EZH2: variants seen among roughly 807,000 people sequenced by gnomAD.
EZH2 encodes histone-lysine N-methyltransferase EZH2.
EZH2 carries 18 observed loss-of-function variants against 98.4 expected under a neutral mutation model. That is an observed-to-expected ratio of 0.18 (90% CI 0.13 to 0.27). EZH2 has a LOEUF of 0.27. Among genes scored for constraint, EZH2 ranks in the 10% least tolerant of loss-of-function variants. EZH2 has a pLI of 1.00. For missense variants in EZH2, 470 were observed against 935.1 expected (o/e 0.50, Z 6.49); for synonymous variants, 338 against 312.3 (o/e 1.08, Z -0.87).
intron 3 of EZH2, among the ~76,000 whole-genome samples, chr7:148,842,538 A>G (rs1463967032): frequency 6.6e-6 from 1 of 152,232 alleles, no homozygotes; most frequent in Non-Finnish European, 1.5e-5. Flanking sequence ...AATAAAATGT[A>G]CATCCCTTGA....
rs549563284 is a variant in EZH2 at position 148,808,858 on chromosome 7, G to C, written c.2195+213C>G. 9.2e-5 allele frequency among the ~76,000 whole-genome samples: 14 copies of C among 152,196 alleles called. No homozygotes were observed. In the East Asian group the frequency reaches 2.7e-3, roughly 29 times the overall value. ...GGTGAGAAATGGGGCTTTCTGCATG[G>C]ATTTTACTCTATTTTAAAAATAAGC... On this transcript the variant is annotated intron_variant, in intron 19 of 19. Coordinates refer to ENST00000320356, the MANE Select transcript of EZH2 (RefSeq NM_004456.5).
chr7:148,861,949 GA>G (rs1355546674), intron 1 of EZH2, among the ~76,000 whole-genome samples: 1 of 152,150 alleles, frequency 6.6e-6, no homozygotes, highest in Non-Finnish European at 1.5e-5. Flanking sequence ...AGTATATGAA[GA>G]AAATCCAGTC....
At chr7:148,810,762 G>A (rs542946610) in intron 16 of EZH2, among the ~76,000 whole-genome samples, 1 of 152,280 alleles carries the variant, frequency 6.6e-6, no homozygotes, top group Non-Finnish European at 1.5e-5. Flanking sequence ...TGGGCGCGGT[G>A]GCGCATGCCT....
At chr7:148,870,511 G>A (rs112396001) in intron 1 of EZH2, among the ~76,000 whole-genome samples, 1,847 of 152,006 alleles carry the variant, frequency 0.012, 19 homozygotes, top group Middle Eastern at 0.024. Context: ...AGACCAGCCG[G>A]GGCAACATGG....
chr7:148,875,960 A>G (rs1820111025), intron 1 of EZH2: 1 of 152,198 alleles, frequency 6.6e-6, no homozygotes, highest in Admixed American at 6.5e-5. Context: ...GTTGGAAACC[A>G]TCCTGGGCGA....
intron 1 of EZH2, among the ~76,000 whole-genome samples, chr7:148,872,155 G>A (rs73158284): frequency 0.054 from 8,204 of 152,130 alleles, 291 homozygotes; most frequent in Middle Eastern, 0.082. Flanking sequence ...AGCCTTTACA[G>A]AAAAGAAAAA....
chr7:148,868,300 C>T (rs1384533643), intron 1 of EZH2, among the ~76,000 whole-genome samples: 1 of 152,184 alleles, frequency 6.6e-6, no homozygotes. Flanking sequence ...TACAGTTCAG[C>T]AGGCTATACA....
At chr7:148,820,750 GAA>G (rs1345678576) in intron 8 of EZH2, among the ~76,000 whole-genome samples, 1 of 151,822 alleles carries the variant, frequency 6.6e-6, no homozygotes, top group African/African-American at 2.4e-5. Flanking sequence ...CTGGTTCTCT[GAA>G]GAAAAAAATA....
intron 1 of EZH2, among the ~76,000 whole-genome samples, chr7:148,880,272 A>G (rs1423793177): frequency 1.3e-5 from 2 of 152,220 alleles, no homozygotes; most frequent in Admixed American, 1.3e-4. Context: ...TCATTTTAAA[A>G]GAATGATGAA....
At chr7:148,861,803 T>TA (rs10628711) in intron 1 of EZH2, among the ~76,000 whole-genome samples, 6,109 of 143,470 alleles carry the variant, frequency 0.043, 277 homozygotes, top group African/African-American at 0.11. Context: ...TTCTTTTATT[T>TA]AAAAAAAAAA....
At chr7:148,847,046 G>A (rs1181404980) in intron 2 of EZH2, 136 bp downstream of exon 2, 1 of 1,006,012 alleles carries the variant, frequency 9.9e-7, no homozygotes, top group Admixed American at 2.9e-5. Flanking sequence ...AAGAACCTAA[G>A]CTTCCAAGTA....
intron 1 of EZH2, among the ~76,000 whole-genome samples, chr7:148,856,193 T>C (rs1393228737): frequency 6.6e-6 from 1 of 152,198 alleles, no homozygotes; most frequent in Non-Finnish European, 1.5e-5. Context: ...CTCTGTACTC[T>C]AGCTGGTAAA....
intron 19 of EZH2, among the ~76,000 whole-genome samples, chr7:148,808,694 T>C (rs1363454532): frequency 1.3e-5 from 2 of 152,146 alleles, no homozygotes; most frequent in African/African-American, 2.4e-5. Flanking sequence ...ATGCATAGTA[T>C]ATTGTCAAGT....
At chr7:148,827,874 T>C (rs773655509) in intron 6 of EZH2, among the ~76,000 whole-genome samples, 1 of 152,088 alleles carries the variant, frequency 6.6e-6, no homozygotes, top group Non-Finnish European at 1.5e-5. Flanking sequence ...TCCTAGCACT[T>C]TGGGAGGCCG....
At chr7:148,824,288 C>T (rs1179499777) in intron 8 of EZH2, among the ~76,000 whole-genome samples, 1 of 146,968 alleles carries the variant, frequency 6.8e-6, no homozygotes, top group African/African-American at 2.5e-5. Context: ...GCACTTCAGA[C>T]TGAGCAACAG....
intron 1 of EZH2, among the ~76,000 whole-genome samples, chr7:148,881,951 TACAC>T (rs199896683): frequency 9.1e-6 from 1 of 109,822 alleles, no homozygotes; most frequent in Non-Finnish European, 1.8e-5. Flanking sequence ...AAAAAACATA[TACAC>T]ACACACACAC....
Position 148,847,224 on chromosome 7 carries a change from T to C in EZH2, c.75A>G (p.Arg25=). The change falls in exon 2 of 20, where the codon CGA becomes CGG. Residue 25 remains arginine, a synonymous_variant. Coordinates refer to ENST00000320356, the MANE Select transcript of EZH2 (RefSeq NM_004456.5). ...GTCTGAACCTCTTGAGCTGTCTCAG[T>C]CGCATGTACTCTGATTTTACACGCT... ...WRKRVKSEYM[R]LRQLKRFRRA... The C allele has an allele frequency of 1.2e-6, 2 of 1,613,938 alleles. No homozygotes were observed. The highest frequency in any genetic ancestry group is 1.7e-6 in the Non-Finnish European group (2 of 1,179,926).
At position 148,807,529 on chromosome 7, in the gene EZH2, G is replaced by GTACTT. The variant is rs1359676356; in HGVS notation, c.*112_*116dup. 6.1e-6 allele frequency: 5 copies of GTACTT among 822,252 alleles called. No homozygotes were observed. In the Admixed American group the frequency reaches 8.5e-5, roughly 14 times the overall value. The allele number at this position is 822,252 out of a possible 1,614,324, so 50.9% of individuals were successfully genotyped here. A position where few individuals can be genotyped will look rare whatever the true frequency, so the allele number is the denominator to read the frequency against. On this transcript the variant is annotated 3_prime_UTR_variant, in exon 20 of 20. Coordinates refer to ENST00000320356, the MANE Select transcript of EZH2 (RefSeq NM_004456.5). ...CTCATTACTATAAATTATTCTTACA[G>GTACTT]TACTTTGCAAATTCAGAATTTCAAA...
intron 1 of EZH2, among the ~76,000 whole-genome samples, chr7:148,855,881 G>C (rs1441603519): frequency 1.8e-5 from 2 of 114,116 alleles, no homozygotes; most frequent in African/African-American, 6.7e-5. Context: ...CTAGGCGACA[G>C]AGCAAGACTC....
Sources: gnomAD v4.1 joint callset for allele counts (sites outside exome capture counted in the v4.1 genomes callset) on GRCh38, gnomAD v4.1.1 for gene constraint, MANE v1.5 for transcripts, NCBI Gene and HGNC (gene_info 2026-07-23, HGNC 2026-07-21) for gene names.